The following DENND4C variants were observed in gnomAD, a reference collection of about 807,000 sequenced individuals.
DENND4C encodes the protein DENN domain containing 4C.
Under a neutral mutation model 203.0 loss-of-function variants are expected in DENND4C, and 108 were observed. The ratio of observed to expected loss-of-function variants is 0.53; its 90% CI spans 0.46 to 0.62. The LOEUF (loss-of-function observed/expected upper bound fraction) is 0.62. Ranked by LOEUF, DENND4C falls within the 20% of genes least tolerant of loss-of-function variation. The pLI is 0.00. For synonymous variants in DENND4C, 871 were observed against 792.4 expected (o/e 1.10, Z -1.67); for missense variants, 2,481 against 2,301.2 (o/e 1.08, Z -1.60).
intron 30 of DENND4C, among the ~76,000 whole-genome samples, chr9:19,365,839 G>A (rs927969165): frequency 5.3e-5 from 8 of 151,724 alleles, no homozygotes; most frequent in African/African-American, 1.9e-4. Flanking sequence ...AATAGCATTA[G>A]AACAAAATAC....
At chr9:19,286,043 A>G (rs1485818180) in intron 2 of DENND4C, among the ~76,000 whole-genome samples, 3 of 152,222 alleles carry the variant, frequency 2.0e-5, no homozygotes, top group African/African-American at 2.4e-5. Flanking sequence ...AAACAAAAGC[A>G]GCTGGGGTTT....
chr9:19,308,654 G>A (rs1840158817), intron 10 of DENND4C, among the ~76,000 whole-genome samples: 1 of 152,074 alleles, frequency 6.6e-6, no homozygotes, highest in Admixed American at 6.6e-5. Context: ...ATAAACAGGG[G>A]CTCATCTTAA....
intron 1 of DENND4C, among the ~76,000 whole-genome samples, chr9:19,266,759 A>G (rs1444073422): frequency 9.2e-5 from 14 of 152,210 alleles, no homozygotes; most frequent in Admixed American, 8.5e-4. Context: ...GGTGCTGGGA[A>G]AACTGGCTAG....
intron 1 of DENND4C, among the ~76,000 whole-genome samples, chr9:19,271,869 CAAAAAAA>C (rs200794983): frequency 1.2e-5 from 1 of 82,464 alleles, no homozygotes; most frequent in Non-Finnish European, 2.6e-5. Context: ...AACTCTGTCT[CAAAAAAA>C]AAAAAAAAAA....
intron 7 of DENND4C, among the ~76,000 whole-genome samples, chr9:19,298,715 AT>A: frequency 6.6e-6 from 1 of 152,278 alleles, no homozygotes; most frequent in East Asian, 1.9e-4. Context: ...TTTCTGGACC[AT>A]AACAATTAAC....
intron 27 of DENND4C, chr9:19,357,430 A>T (rs1240404693): frequency 2.9e-6 from 1 of 342,496 alleles, no homozygotes; most frequent in East Asian, 5.7e-5. Context: ...CAGTTTCCAG[A>T]GGCGAAATGT....
chr9:19,349,434 A>C (rs1320417462), intron 23 of DENND4C, among the ~76,000 whole-genome samples: 3 of 152,152 alleles, frequency 2.0e-5, no homozygotes, highest in Non-Finnish European at 2.9e-5. Flanking sequence ...TCTGTTAAAA[A>C]CAGAAGTACA....
chr9:19,317,181 CTTT>C (rs11331413), intron 12 of DENND4C, among the ~76,000 whole-genome samples: 14 of 126,930 alleles, frequency 1.1e-4, no homozygotes, highest in African/African-American at 1.4e-4. Context: ...GATTTGTACA[CTTT>C]TTTTTTTTTT....
chr9:19,281,403 C>G (rs182903736), intron 2 of DENND4C, among the ~76,000 whole-genome samples: 27 of 152,258 alleles, frequency 1.8e-4, no homozygotes, highest in Admixed American at 9.2e-4. Flanking sequence ...CCCACTCTTT[C>G]CTCACTCTAG....
rs751315821 is a variant in DENND4C at position 19,290,823 on chromosome 9, T to C, written c.748T>C (p.Tyr250His). ...TGAGTGCTGGGATCCTGAAACCAAATATCCACTTCCAGTTTTTTCAACTTT... is the reference window on the plus strand; with the variant it reads ...TGAGTGCTGGGATCCTGAAACCAAACATCCACTTCCAGTTTTTTCAACTTT... ...TIECWDPETK[Y>H]PLPVFSTFVL... Residue 250 changes from tyrosine (Y) to histidine (H), a missense_variant, in exon 5 of 33, where the codon TAT becomes CAT. Coordinates refer to ENST00000434457, the MANE Select transcript of DENND4C (RefSeq NM_001330640.2). The C allele has an allele frequency of 1.2e-6, 2 of 1,613,674 alleles. No homozygotes were observed. The highest frequency in any genetic ancestry group is 1.1e-5 in the South Asian group (1 of 91,056).
At chr9:19,246,221 A>G (rs1442542109) in intron 1 of DENND4C, among the ~76,000 whole-genome samples, 2 of 151,098 alleles carry the variant, frequency 1.3e-5, no homozygotes, top group Non-Finnish European at 2.9e-5. Context: ...AACCCCGATT[A>G]CACTCAGTTC....
chr9:19,350,952 G>C (rs918291281), intron 24 of DENND4C, 73 bp downstream of exon 24: 1 of 1,456,314 alleles, frequency 6.9e-7, no homozygotes, highest in Non-Finnish European at 9.3e-7. Flanking sequence ...TTTAAGAGAC[G>C]GGGTTTTGTC....
chr9:19,314,462 G>T lies in DENND4C; in HGVS notation c.1488-1955G>T, dbSNP rs529383320. ...GCTCAAAGACTACACATGGGGTACA[G>T]TGTATACTACTTGGGTGATGGGTGC... On this transcript the variant is annotated intron_variant, in intron 10 of 32. Coordinates refer to ENST00000434457, the MANE Select transcript of DENND4C (RefSeq NM_001330640.2). Among the ~76,000 whole-genome samples the T allele has an allele frequency of 1.4e-3, 213 of 152,170 alleles. 1 individual carries two copies. The highest frequency in any genetic ancestry group is 2.6e-3 in the Non-Finnish European group (177 of 67,988).
At chr9:19,351,633 C>T (rs1049200556) in intron 24 of DENND4C, among the ~76,000 whole-genome samples, 2 of 151,712 alleles carry the variant, frequency 1.3e-5, no homozygotes, top group Non-Finnish European at 2.9e-5. Context: ...ACAGTGAAAC[C>T]GTCTCTACTA....
intron 17 of DENND4C, 78 bp downstream of exon 17, chr9:19,332,262 T>C: frequency 7.9e-7 from 1 of 1,261,702 alleles, no homozygotes; most frequent in Non-Finnish European, 1.1e-6. Flanking sequence ...TGTAAGTTGC[T>C]TTAAAGTGTG....
rs556724647 is a variant in DENND4C, at chr9:19,298,379, G to T, written c.1107+257G>T. On this transcript the variant is annotated intron_variant, in intron 7 of 32. Coordinates refer to ENST00000434457, the MANE Select transcript of DENND4C (RefSeq NM_001330640.2). The stretch of plus-strand genomic sequence containing the variant: ...CCCATGCATGACCTTTATGTAGCTA[G>T]TTTTAATAACATAAAACCCAGATTA... Among the ~76,000 whole-genome samples, 5 of 152,202 alleles carry T rather than the reference G, an allele frequency of 3.3e-5. No homozygotes were observed. In the South Asian group the frequency reaches 1.0e-3, roughly 32 times the overall value.
intron 13 of DENND4C, 84 bp downstream of exon 13, chr9:19,324,591 TGATATA>T (rs1843416805): frequency 1.4e-6 from 2 of 1,400,714 alleles, no homozygotes; most frequent in African/African-American, 2.9e-5. Flanking sequence ...TAGTCTAGAG[TGATATA>T]AGGAAAACAG....
chr9:19,268,361 G>T (rs1156554734), intron 1 of DENND4C, among the ~76,000 whole-genome samples: 1 of 152,060 alleles, frequency 6.6e-6, no homozygotes, highest in African/African-American at 2.4e-5. Context: ...CCACCTCCCA[G>T]AGTTCTGGGA....
intron 7 of DENND4C, among the ~76,000 whole-genome samples, 188 bp from the exon 8 acceptor site, chr9:19,299,041 T>C (rs536745167): frequency 9.0e-4 from 137 of 152,264 alleles, no homozygotes; most frequent in African/African-American, 3.2e-3. Flanking sequence ...ATGTAACACT[T>C]CTGAGTAAAT....
Sources: gnomAD v4.1 joint callset for allele counts (sites outside exome capture counted in the v4.1 genomes callset) on GRCh38, gnomAD v4.1.1 for gene constraint, MANE v1.5 for transcripts, NCBI Gene and HGNC (gene_info 2026-07-23, HGNC 2026-07-21) for gene names.